Variants in ACSS2 observed in about 807,000 individuals in gnomAD.
The protein encoded by ACSS2 is acetyl-coenzyme A synthetase, cytoplasmic.
A neutral mutation model predicts 90.6 loss-of-function variants in ACSS2; 58 were observed. The ratio of observed to expected loss-of-function variants is 0.64; its 90% CI spans 0.52 to 0.80. ACSS2 has a LOEUF of 0.80. ACSS2 is among the 30% of genes least tolerant of loss of function. The pLI is 0.00. For missense variants in ACSS2, 759 were observed against 912.0 expected, an observed-to-expected ratio of 0.83 and a Z score of 2.16; for synonymous variants, 300 against 330.9, an observed-to-expected ratio of 0.91 and a Z score of 1.01.
chr20:34,884,014 TA>T (rs1446143826), intron 2 of ACSS2, among the ~76,000 whole-genome samples: 2 of 152,164 alleles, frequency 1.3e-5, no homozygotes, highest in African/African-American at 4.8e-5. Flanking sequence ...GATCTTGGCT[TA>T]CTGCAACCTC....
At chr20:34,898,346 A>G (rs1054062878) in intron 2 of ACSS2, among the ~76,000 whole-genome samples, 2 of 152,114 alleles carry the variant, frequency 1.3e-5, no homozygotes, top group South Asian at 2.1e-4. Context: ...TGCGTTTACA[A>G]TCCCTGAGCT....
chr20:34,885,782 TTAAATAATC>T (rs1426902093), intron 2 of ACSS2, among the ~76,000 whole-genome samples: 1 of 152,154 alleles, frequency 6.6e-6, no homozygotes, highest in Non-Finnish European at 1.5e-5. Flanking sequence ...AAGCACTGGA[TTAAATAATC>T]TCTAAATTTA....
intron 2 of ACSS2, chr20:34,908,733 C>T (rs569207756): frequency 4.9e-4 from 151 of 309,708 alleles, no homozygotes; most frequent in Non-Finnish European, 7.6e-4. Flanking sequence ...TGGTGGTGCA[C>T]GCCTGTAATC....
At chr20:34,914,570 C>A (rs1183667153) in intron 7 of ACSS2, 133 bp downstream of exon 7, 5 of 772,674 alleles carry the variant, frequency 6.5e-6, no homozygotes, top group Non-Finnish European at 1.0e-5. Flanking sequence ...GGAATGCCTC[C>A]TCTAGCAGGG....
In ACSS2 at chr20:34,913,443, C is replaced by T. The variant is rs781417915; in HGVS notation, c.517C>T (p.Leu173Phe). 1 of 1,613,768 alleles carries T rather than the reference C, an allele frequency of 6.2e-7. No homozygotes were observed. The highest frequency in any genetic ancestry group is 8.5e-7 in the Non-Finnish European group (1 of 1,179,972). The change falls in exon 4 of 18, where the codon CTT becomes TTT. Residue 173 changes from leucine to phenylalanine, a missense_variant. Transcript: ENST00000360596. ...VAIYMPMIPE[L>F]VVAMLACARI... ...CATCTACATGCCTATGATCCCAGAG[C>T]TTGTGGTGGCCATGCTGGCATGTGC...
rs1490018501 is a variant in ACSS2, at chr20:34,876,837, C to T, written c.178+14C>T. 7.8e-7 allele frequency: 1 copy of T among 1,284,166 alleles called. No homozygotes were observed. Among genetic ancestry groups the T allele is most frequent in the African/African-American group, 1.5e-5 (1 of 64,564 alleles). 79.5% of individuals were successfully genotyped at this position (1,284,166 alleles called of 1,614,324 possible). ...AGGAGCCGCGGGGTGAGGCCCGGCC[C>T]GGGCGGGCCTGGGGTGTCAGTGAGG... is the stretch of plus-strand genomic sequence containing the variant. On this transcript the variant is annotated intron_variant, in intron 1 of 17. Transcript: ENST00000360596.
At chr20:34,896,657 T>C (rs748399288) in intron 2 of ACSS2, among the ~76,000 whole-genome samples, 1 of 152,230 alleles carries the variant, frequency 6.6e-6, no homozygotes, top group African/African-American at 2.4e-5. Context: ...AGATATCCTG[T>C]CTGCCATTAA....
At chr20:34,903,442 C>T (rs148715537) in intron 2 of ACSS2, among the ~76,000 whole-genome samples, 1 of 151,910 alleles carries the variant, frequency 6.6e-6, no homozygotes, top group East Asian at 1.9e-4. Context: ...TTGTGGTCAT[C>T]CAGGCAAGAG....
upstream of ACSS2, among the ~76,000 whole-genome samples, chr20:34,875,396 C>G (rs922115401): frequency 6.6e-5 from 10 of 152,206 alleles, no homozygotes; most frequent in East Asian, 1.9e-3. Flanking sequence ...TGGTGAAATC[C>G]CATCTCTACT....
chr20:34,905,261 AG>A (rs2080769072), intron 2 of ACSS2, among the ~76,000 whole-genome samples: 2 of 149,330 alleles, frequency 1.3e-5, no homozygotes, highest in South Asian at 4.2e-4. Flanking sequence ...TAAATTCAGA[AG>A]TTTTTTTTTT....
At chr20:34,895,236 T>C (rs925900944) in intron 2 of ACSS2, among the ~76,000 whole-genome samples, 19 of 152,006 alleles carry the variant, frequency 1.2e-4, no homozygotes, top group East Asian at 5.8e-4. Context: ...TATACACACA[T>C]ATATATATAT....
intron 2 of ACSS2, among the ~76,000 whole-genome samples, chr20:34,906,812 G>T (rs145444127): frequency 6.6e-6 from 1 of 151,770 alleles, no homozygotes; most frequent in East Asian, 2.0e-4. Context: ...TTGAAACCCC[G>T]TCTCTACTAA....
At chr20:34,876,951 T>G in intron 1 of ACSS2, 128 bp downstream of exon 1, 1 of 566,522 alleles carries the variant, frequency 1.8e-6, no homozygotes, top group South Asian at 8.8e-5. Flanking sequence ...GAAGGAAGAA[T>G]TGCGGTTCTT....
chr20:34,903,897 G>T (rs926734), intron 2 of ACSS2, among the ~76,000 whole-genome samples: 78,943 of 147,098 alleles, frequency 0.54, 21,952 homozygotes, highest in South Asian at 0.73. Context: ...AAAAAAGTTG[G>T]GGGGTAGCAC....
chr20:34,880,312 A>G (rs1033151206), intron 1 of ACSS2, among the ~76,000 whole-genome samples: 3 of 152,158 alleles, frequency 2.0e-5, no homozygotes, highest in African/African-American at 7.2e-5. Context: ...TTGGGAGGGC[A>G]AGGTGGGCTC....
intron 9 of ACSS2, 53 bp from the exon 10 acceptor site, chr20:34,920,953 T>C (rs368202078): frequency 1.5e-5 from 24 of 1,609,474 alleles, no homozygotes; most frequent in Admixed American, 8.3e-5. Flanking sequence ...GGTAGGGGGA[T>C]GAATAGAAGG....
chr20:34,915,339 T>C (rs1292105969), intron 7 of ACSS2: 4 of 1,556,052 alleles, frequency 2.6e-6, no homozygotes, highest in African/African-American at 1.4e-5. Context: ...GTTTGCCCCA[T>C]TGAGGTGGCT....
intron 2 of ACSS2, among the ~76,000 whole-genome samples, chr20:34,898,744 T>C (rs576161723): frequency 3.9e-4 from 59 of 152,330 alleles, no homozygotes; most frequent in African/African-American, 1.3e-3. Flanking sequence ...CTTCACCCAG[T>C]GGATCCCGCA....
intron 14 of ACSS2, among the ~76,000 whole-genome samples, chr20:34,924,682 TTTG>T (rs72042821): frequency 0.65 from 97,625 of 149,236 alleles, 33,116 homozygotes; most frequent in African/African-American, 0.84. Context: ...AAACCTTTTT[TTTG>T]TTGTTGTTGT....
Sources: allele counts gnomAD v4.1 joint callset (sites outside exome capture counted in the v4.1 genomes callset), GRCh38; gene constraint gnomAD v4.1.1; transcripts MANE v1.5; gene names NCBI Gene and HGNC (gene_info 2026-07-23, HGNC 2026-07-21).